Variants in GSE1 observed in about 807,000 individuals in gnomAD.
The protein encoded by GSE1 is genetic suppressor element 1.
Under a neutral mutation model 112.6 loss-of-function variants are expected in GSE1, and 32 were observed. The observed-to-expected ratio is 0.28, with a 90% CI of 0.21 to 0.38. GSE1 has a LOEUF of 0.38. Ranked by LOEUF, GSE1 falls within the 10% of genes least tolerant of loss-of-function variation. The pLI is 1.00. For missense variants in GSE1, 2,348 were observed against 1,699.2 expected, an observed-to-expected ratio of 1.38 and a Z score of -6.71; for synonymous variants, 1,115 against 735.6, an observed-to-expected ratio of 1.52 and a Z score of -8.35.
At chr16:85,449,650 C>T (rs2049618132) in intron 2 of GSE1, among the ~76,000 whole-genome samples, 1 of 152,204 alleles carries the variant, frequency 6.6e-6, no homozygotes, top group African/African-American at 2.4e-5. Flanking sequence ...AGCTGAGATG[C>T]ATTCAGGAAA....
chr16:85,560,496 G>T (rs1250670104), intron 1 of GSE1, among the ~76,000 whole-genome samples: 1 of 152,114 alleles, frequency 6.6e-6, no homozygotes, highest in African/African-American at 2.4e-5. Context: ...TGGTTGTAGC[G>T]TCTGCCTCTT....
intron 2 of GSE1, among the ~76,000 whole-genome samples, chr16:85,526,482 G>C (rs1188753594): frequency 6.6e-6 from 1 of 152,264 alleles, no homozygotes; most frequent in African/African-American, 2.4e-5. Flanking sequence ...GTCTGGAAGG[G>C]TCAGGCTGTG....
At chr16:85,410,154 GT>G in intron 2 of GSE1, among the ~76,000 whole-genome samples, 1 of 67,618 alleles carries the variant, frequency 1.5e-5, no homozygotes, top group East Asian at 3.6e-4. Context: ...AATCCTCGCT[GT>G]TACACTCAGG....
chr16:85,542,752 C>T (rs2044565948), intron 2 of GSE1, among the ~76,000 whole-genome samples: 1 of 152,220 alleles, frequency 6.6e-6, no homozygotes, highest in African/African-American at 2.4e-5. Flanking sequence ...GTGGGTGGCC[C>T]TGCTGGCCCC....
chr16:85,576,619 A>G (rs2046238447), intron 1 of GSE1, among the ~76,000 whole-genome samples: 1 of 152,204 alleles, frequency 6.6e-6, no homozygotes. Flanking sequence ...AGCCCTGCCA[A>G]GAGCAGGGGT....
At chr16:85,569,357 C>T (rs189551324) in intron 1 of GSE1, among the ~76,000 whole-genome samples, 130 of 152,314 alleles carry the variant, frequency 8.5e-4, no homozygotes, top group Middle Eastern at 3.4e-3. Context: ...AGCTGAGCCC[C>T]TGGGCCTGGG....
intron 1 of GSE1, among the ~76,000 whole-genome samples, chr16:85,292,635 G>GT (rs1352526518): frequency 6.6e-6 from 1 of 150,964 alleles, no homozygotes; most frequent in Non-Finnish European, 1.5e-5. Context: ...CCTAATTTTT[G>GT]TATCTTTAGA....
intron 2 of GSE1, among the ~76,000 whole-genome samples, chr16:85,403,858 C>A (rs1349070797): frequency 6.6e-6 from 1 of 152,146 alleles, no homozygotes; most frequent in Non-Finnish European, 1.5e-5. Flanking sequence ...GAGGCCAGAA[C>A]TCCAGCATCA....
intron 1 of GSE1, chr16:85,282,878 C>G (rs1301287538): frequency 6.6e-6 from 1 of 152,240 alleles, no homozygotes. Context: ...CACTGATGAT[C>G]TTTTACAGTT....
chr16:85,169,641 C>T (rs904507660), exon 1 of GSE1: 8 of 983,546 alleles, frequency 8.1e-6, no homozygotes, highest in African/African-American at 3.5e-5. Flanking sequence ...GCATCGGGCG[C>T]GGCAAGGAGC....
chr16:85,188,977 G>A (rs532386705), intron 1 of GSE1, among the ~76,000 whole-genome samples: 1 of 152,276 alleles, frequency 6.6e-6, no homozygotes, highest in South Asian at 2.1e-4. Flanking sequence ...CAGACTTGCT[G>A]TGGGGGACAT....
At chr16:85,365,247 A>G (rs1440691766) in intron 2 of GSE1, among the ~76,000 whole-genome samples, 2 of 152,290 alleles carry the variant, frequency 1.3e-5, no homozygotes, top group East Asian at 3.9e-4. Flanking sequence ...CTTAGAGATC[A>G]CGGCGTCCTG....
rs149382379 is a variant in GSE1, at chr16:85,671,179, A to C, written c.3519+81A>C. The C allele has an allele frequency of 4.9e-6, 4 of 818,236 alleles. No homozygotes were observed. In the African/African-American group the frequency reaches 6.8e-5, roughly 14 times the overall value. The allele number at this position is 818,236 out of a possible 1,614,324, so 50.7% of individuals were successfully genotyped here. On this transcript the variant is annotated intron_variant, in intron 15 of 15. Transcript: ENST00000253458. ...AGAAACACCCATGCAGATAAGTTTC[A>C]GAGAGGAAATGTGCTCTTAAGAGAT...
intron 1 of GSE1, among the ~76,000 whole-genome samples, chr16:85,605,218 G>A (rs1476340389): frequency 2.0e-5 from 3 of 151,774 alleles, no homozygotes; most frequent in East Asian, 1.9e-4. Flanking sequence ...GCCAGGGGCC[G>A]GCAGGGGCTG....
intron 1 of GSE1, among the ~76,000 whole-genome samples, chr16:85,246,471 G>GCA (rs143143067): frequency 0.027 from 1,006 of 36,718 alleles, 204 homozygotes; most frequent in African/African-American, 0.093. Flanking sequence ...CCCACACGCT[G>GCA]CACACACACA....
chr16:85,206,062 C>G (rs1169920448), intron 1 of GSE1, among the ~76,000 whole-genome samples: 4 of 152,098 alleles, frequency 2.6e-5, no homozygotes, highest in Non-Finnish European at 5.9e-5. Context: ...AAACAGGGAA[C>G]AGGGCAGGTA....
chr16:85,389,389 G>A (rs1326655339), intron 2 of GSE1, among the ~76,000 whole-genome samples: 4 of 151,828 alleles, frequency 2.6e-5, no homozygotes, highest in Non-Finnish European at 5.9e-5. Flanking sequence ...GAACCCGGGC[G>A]GGGGAGGTTG....
intron 1 of GSE1, among the ~76,000 whole-genome samples, chr16:85,588,136 G>T (rs1214977424): frequency 2.0e-5 from 3 of 152,168 alleles, no homozygotes; most frequent in Non-Finnish European, 4.4e-5. Context: ...ACTTCACTGG[G>T]GTGAGCCCCT....
chr16:85,633,838 G>A (rs1429360683), intron 1 of GSE1, 76 bp from the exon 2 acceptor site: 23 of 1,157,298 alleles, frequency 2.0e-5, no homozygotes, highest in Admixed American at 1.2e-4. Context: ...TGCTGACACC[G>A]GCCCTGCCGA....
Sources: gnomAD v4.1 joint callset for allele counts (sites outside exome capture counted in the v4.1 genomes callset) on GRCh38, gnomAD v4.1.1 for gene constraint, MANE v1.5 for transcripts, NCBI Gene and HGNC (gene_info 2026-07-23, HGNC 2026-07-21) for gene names.